Variants in PUS7 observed in about 807,000 individuals in gnomAD.
The protein encoded by PUS7 is pseudouridine synthase 7.
A neutral mutation model predicts 79.8 loss-of-function variants in PUS7; 48 were observed. The ratio of observed to expected loss-of-function variants is 0.60; its 90% CI spans 0.48 to 0.76. PUS7 has a LOEUF of 0.76. Among genes scored for constraint, PUS7 ranks in the 30% least tolerant of loss-of-function variants. The pLI is 0.00. For synonymous variants in PUS7, 286 were observed against 272.2 expected (o/e 1.05, Z -0.50); for missense variants, 729 against 797.6 (o/e 0.91, Z 1.04).
chr7:105,470,454 A>G (rs1325775444), intron 11 of PUS7: 2 of 378,536 alleles, frequency 5.3e-6, no homozygotes, highest in East Asian at 8.0e-5. Flanking sequence ...ACTGAAGATT[A>G]TGTTTTCCAC....
At position 105,468,447 on chromosome 7, in the gene PUS7, C is replaced by T. The variant is rs1346711839; in HGVS notation, c.1415G>A (p.Arg472His). 3.7e-6 allele frequency: 6 copies of T among 1,603,814 alleles called. No individual in the cohort carries two copies. Among genetic ancestry groups the T allele is most frequent in the South Asian group, 1.1e-5 (1 of 89,354 alleles). The change falls in exon 12 of 16, where the codon CGC becomes CAC. Residue 472 changes from arginine (R) to histidine (H), a missense_variant. Transcript: ENST00000469408. ...TTGGTAGCTATGAATATACATTAAG[C>T]GATTATTTCTGGGTATCTGGAGGGA... ...SAFGIIPRNN[R>H]LMYIHSYQSY...
chr7:105,461,807 C>T (rs967887463), intron 14 of PUS7, among the ~76,000 whole-genome samples: 1 of 152,198 alleles, frequency 6.6e-6, no homozygotes, highest in African/African-American at 2.4e-5. Flanking sequence ...AGGCTACAAA[C>T]CTATACAGCA....
intron 11 of PUS7, among the ~76,000 whole-genome samples, chr7:105,469,785 G>A (rs991210367): frequency 6.6e-6 from 1 of 152,156 alleles, no homozygotes; most frequent in Non-Finnish European, 1.5e-5. Flanking sequence ...TAGAGACAAG[G>A]TTTCACCACA....
chr7:105,464,599 G>T (rs958774330), intron 13 of PUS7, among the ~76,000 whole-genome samples: 1 of 152,140 alleles, frequency 6.6e-6, no homozygotes, highest in Admixed American at 6.6e-5. Context: ...CTGGCCTATG[G>T]ACTCTGGGAC....
At chr7:105,490,249 A>C (rs980065160) in intron 7 of PUS7, among the ~76,000 whole-genome samples, 6 of 152,174 alleles carry the variant, frequency 3.9e-5, no homozygotes, top group Non-Finnish European at 7.3e-5. Flanking sequence ...AAGTTTTGAC[A>C]TGTGTATAAG....
At chr7:105,461,844 G>A (rs6947987) in intron 14 of PUS7, among the ~76,000 whole-genome samples, 1,645 of 152,270 alleles carry the variant, frequency 0.011, 27 homozygotes, top group African/African-American at 0.037. Context: ...ACTGGAGGCT[G>A]CTGTAACACA....
intron 9 of PUS7, 31 bp downstream of exon 9, chr7:105,481,021 C>A: frequency 6.3e-7 from 1 of 1,595,794 alleles, no homozygotes; most frequent in South Asian, 1.1e-5. Flanking sequence ...TATGAGAAAG[C>A]TATTTTTGAT....
chr7:105,468,503 A>C, intron 11 of PUS7, 40 bp from the exon 12 acceptor site: 1 of 1,544,242 alleles, frequency 6.5e-7, no homozygotes, highest in East Asian at 2.3e-5. Context: ...AACATATTCT[A>C]AATATAAAAA....
At chr7:105,475,249 G>C (rs1027759840) in intron 9 of PUS7, among the ~76,000 whole-genome samples, 3 of 151,958 alleles carry the variant, frequency 2.0e-5, no homozygotes, top group Admixed American at 1.3e-4. Flanking sequence ...GCAGTGGCAC[G>C]ATCTCGGCTC....
chr7:105,464,004 A>G (rs1027377301), intron 13 of PUS7, among the ~76,000 whole-genome samples: 7 of 152,180 alleles, frequency 4.6e-5, no homozygotes, highest in African/African-American at 1.7e-4. Flanking sequence ...GGATCCCTCA[A>G]TCAAGCACTG....
chr7:105,467,290 T>A (rs1823690279), intron 12 of PUS7, among the ~76,000 whole-genome samples: 1 of 70,488 alleles, frequency 1.4e-5, no homozygotes, highest in South Asian at 1.0e-3. Context: ...TTGAAGAAAC[T>A]CTTCTTTTTT....
At chr7:105,480,907 C>T (rs1388061798) in intron 9 of PUS7, 145 bp downstream of exon 9, 1 of 949,088 alleles carries the variant, frequency 1.1e-6, no homozygotes, top group Non-Finnish European at 1.5e-6. Flanking sequence ...CCTGTGCACT[C>T]ATTAACTTAA....
chr7:105,471,575 G>A (rs903197759), intron 10 of PUS7, among the ~76,000 whole-genome samples: 1 of 152,220 alleles, frequency 6.6e-6, no homozygotes, highest in African/African-American at 2.4e-5. Flanking sequence ...ATTCTGGGAG[G>A]CTGAGGTGGG....
intron 6 of PUS7, among the ~76,000 whole-genome samples, chr7:105,492,047 C>T (rs1251022677): frequency 3.8e-5 from 3 of 79,274 alleles, no homozygotes; most frequent in African/African-American, 1.5e-4. Flanking sequence ...ACAGAGACTC[C>T]GTCTCAAAAA....
Position 105,459,276 on chromosome 7 carries a change from T to C in PUS7, c.1758-17A>G. Reference sequence around the variant, plus strand: ...ACGACTTCCCTTCAAAACATATGAATAAAGATAAGTGTGAATGTGAACTTT... The same window carrying C: ...ACGACTTCCCTTCAAAACATATGAACAAAGATAAGTGTGAATGTGAACTTT... On this transcript the variant is annotated splice_polypyrimidine_tract_variant and intron_variant, in intron 14 of 15. Transcript: ENST00000469408. 6.5e-7 allele frequency: 1 copy of C among 1,546,620 alleles called. No individual in the cohort carries two copies. Among genetic ancestry groups the C allele is most frequent in the Non-Finnish European group, 8.9e-7 (1 of 1,120,998 alleles).
At chr7:105,471,912 CA>C (rs59389623) in intron 10 of PUS7, among the ~76,000 whole-genome samples, 26,238 of 76,956 alleles carry the variant, frequency 0.34, 3,166 homozygotes, top group African/African-American at 0.49. Context: ...AACTCCTTAT[CA>C]AAAAAAAAAA....
chr7:105,520,650 A>C (rs1826073214), intron 1 of PUS7, among the ~76,000 whole-genome samples: 1 of 152,226 alleles, frequency 6.6e-6, no homozygotes, highest in African/African-American at 2.4e-5. Flanking sequence ...TGAACCCAGG[A>C]GGCTGAGGTT....
At chr7:105,464,194 G>A (rs1823545545) in intron 13 of PUS7, among the ~76,000 whole-genome samples, 1 of 152,208 alleles carries the variant, frequency 6.6e-6, no homozygotes, top group Non-Finnish European at 1.5e-5. Context: ...AGAGAGAAGA[G>A]GAAAATAATG....
At chr7:105,516,980 G>T (rs1029289202) in intron 1 of PUS7, among the ~76,000 whole-genome samples, 6 of 152,124 alleles carry the variant, frequency 3.9e-5, no homozygotes, top group African/African-American at 1.4e-4. Flanking sequence ...GCAGTTTTAT[G>T]CATTTTTTGA....
Sources: gnomAD v4.1 joint callset for allele counts (sites outside exome capture counted in the v4.1 genomes callset) on GRCh38, gnomAD v4.1.1 for gene constraint, MANE v1.5 for transcripts, NCBI Gene and HGNC (gene_info 2026-07-23, HGNC 2026-07-21) for gene names.